SNTG2: variants seen among roughly 807,000 people sequenced by gnomAD.
The protein encoded by SNTG2 is syntrophin gamma 2.
In SNTG2, 74 loss-of-function variants were observed where a neutral mutation model predicts 70.9. The observed-to-expected ratio is 1.04, with a 90% CI of 0.86 to 1.27. SNTG2 has a LOEUF of 1.27. Among genes scored for constraint, SNTG2 ranks in the 50% most tolerant of loss-of-function variants. SNTG2 has a pLI of 0.00. For synonymous variants in SNTG2, 278 were observed against 273.8 expected, an observed-to-expected ratio of 1.02 and a Z score of -0.15; for missense variants, 717 against 690.7, an observed-to-expected ratio of 1.04 and a Z score of -0.43.
chr2:971,309 T>C (rs1660731738), intron 1 of SNTG2, among the ~76,000 whole-genome samples: 1 of 152,174 alleles, frequency 6.6e-6, no homozygotes, highest in Non-Finnish European at 1.5e-5. Flanking sequence ...TGTTTGTTTT[T>C]TTATCACTGA....
chr2:1,319,090 C>A (rs1041108136), intron 16 of SNTG2, among the ~76,000 whole-genome samples: 3 of 152,166 alleles, frequency 2.0e-5, no homozygotes, highest in African/African-American at 4.8e-5. Flanking sequence ...GACAGAAAGG[C>A]CTGAAATATG....
chr2:1,298,349 G>A (rs1482602410), intron 14 of SNTG2, among the ~76,000 whole-genome samples: 2 of 151,992 alleles, frequency 1.3e-5, no homozygotes, highest in Non-Finnish European at 2.9e-5. Context: ...GCCCAGACTG[G>A]TCTCAAACTC....
chr2:1,304,742 A>G (rs1437860904), intron 14 of SNTG2, among the ~76,000 whole-genome samples: 1 of 151,798 alleles, frequency 6.6e-6, no homozygotes, highest in Non-Finnish European at 1.5e-5. Context: ...AAAAAAAAAA[A>G]AGATGGTTTT....
At chr2:993,188 T>G (rs1216467085) in intron 1 of SNTG2, among the ~76,000 whole-genome samples, 1 of 150,316 alleles carries the variant, frequency 6.7e-6, no homozygotes, top group Non-Finnish European at 1.5e-5. Context: ...ACGTGTCATC[T>G]AGCATTAGGT....
chr2:1,325,246 G>C (rs55757146), intron 16 of SNTG2, among the ~76,000 whole-genome samples: 2,865 of 152,160 alleles, frequency 0.019, 72 homozygotes, highest in African/African-American at 0.063. Flanking sequence ...CATAAAATAA[G>C]AATACTCATG....
intron 7 of SNTG2, among the ~76,000 whole-genome samples, chr2:1,167,131 G>GCCACCCA (rs1186117050): frequency 4.6e-5 from 7 of 152,222 alleles, no homozygotes; most frequent in African/African-American, 1.4e-4. Flanking sequence ...ATTAACATAG[G>GCCACCCA]CCACCCACAG....
intron 4 of SNTG2, among the ~76,000 whole-genome samples, chr2:1,132,244 T>TACACAC (rs147286173): frequency 0.01 from 1,582 of 151,058 alleles, 14 homozygotes; most frequent in Non-Finnish European, 0.012. Flanking sequence ...TGTGTATATA[T>TACACAC]ATACACACAC....
chr2:1,174,578 T>G (rs1174084438), intron 8 of SNTG2, among the ~76,000 whole-genome samples: 1 of 152,194 alleles, frequency 6.6e-6, no homozygotes, highest in East Asian at 1.9e-4. Context: ...AGTGCTAGAT[T>G]ATACCAGGAT....
At chr2:1,134,549 G>A (rs987311638) in intron 4 of SNTG2, among the ~76,000 whole-genome samples, 5 of 152,238 alleles carry the variant, frequency 3.3e-5, no homozygotes, top group Admixed American at 2.6e-4. Flanking sequence ...GCTGATTGGT[G>A]TGTTTACAAA....
intron 14 of SNTG2, among the ~76,000 whole-genome samples, chr2:1,304,792 C>T (rs1300065160): frequency 1.3e-5 from 2 of 149,742 alleles, no homozygotes; most frequent in African/African-American, 4.9e-5. Context: ...CTTTTTTTAA[C>T]TCTTCAGGTA....
intron 8 of SNTG2, among the ~76,000 whole-genome samples, chr2:1,174,382 T>C (rs1671336326): frequency 6.6e-6 from 1 of 152,212 alleles, no homozygotes; most frequent in Non-Finnish European, 1.5e-5. Context: ...GCATGTTTAC[T>C]TACTGTTTGT....
chr2:1,148,804 G>T (rs1669268962), intron 6 of SNTG2, among the ~76,000 whole-genome samples: 1 of 143,892 alleles, frequency 6.9e-6, no homozygotes, highest in Non-Finnish European at 1.5e-5. Context: ...AAACAAGGAA[G>T]TGAGGAGAGA....
intron 12 of SNTG2, among the ~76,000 whole-genome samples, chr2:1,255,875 T>TATATATATAA (rs1384084317): frequency 2.1e-4 from 12 of 55,856 alleles, no homozygotes; most frequent in East Asian, 1.4e-3. Context: ...TATATATAAA[T>TATATATATAA]ATATATATAA....
intron 8 of SNTG2, among the ~76,000 whole-genome samples, chr2:1,195,259 G>A (rs1672838654): frequency 6.6e-6 from 1 of 152,036 alleles, no homozygotes; most frequent in South Asian, 2.1e-4. Context: ...AGGATTGCTG[G>A]GTCAAATGGT....
chr2:1,272,462 G>GAAAAAA (rs1216847899), intron 14 of SNTG2, among the ~76,000 whole-genome samples: 1 of 65,002 alleles, frequency 1.5e-5, no homozygotes. Flanking sequence ...ACTGGTACTG[G>GAAAAAA]TAAAAAAAAA....
intron 1 of SNTG2, among the ~76,000 whole-genome samples, chr2:1,002,282 C>T (rs949323660): frequency 6.6e-6 from 1 of 151,994 alleles, no homozygotes; most frequent in Non-Finnish European, 1.5e-5. Flanking sequence ...AATGCTTCTG[C>T]ACAGTGAAAG....
At chr2:1,226,826 A>G (rs571703653) in intron 9 of SNTG2, among the ~76,000 whole-genome samples, 5 of 152,162 alleles carry the variant, frequency 3.3e-5, no homozygotes, top group Non-Finnish European at 4.4e-5. Flanking sequence ...CAATAAATCT[A>G]TCTCTGTTTC....
chr2:1,176,417 A>G (rs1359350445), intron 8 of SNTG2, among the ~76,000 whole-genome samples: 1 of 74,006 alleles, frequency 1.4e-5, no homozygotes, highest in Non-Finnish European at 2.9e-5. Context: ...GTTTACCTAT[A>G]TAACAAACCT....
At chr2:1,157,771 G>T (rs1669999449) in intron 6 of SNTG2, among the ~76,000 whole-genome samples, 1 of 152,182 alleles carries the variant, frequency 6.6e-6, no homozygotes, top group South Asian at 2.1e-4. Context: ...CTTCTGGTGT[G>T]CACAGACTAG....
Sources: gnomAD v4.1 joint callset for allele counts (sites outside exome capture counted in the v4.1 genomes callset) on GRCh38, gnomAD v4.1.1 for gene constraint, MANE v1.5 for transcripts, NCBI Gene and HGNC (gene_info 2026-07-23, HGNC 2026-07-21) for gene names.